Variants in ADAMTSL1 observed in about 807,000 individuals in gnomAD.
The protein encoded by ADAMTSL1 is ADAMTS like 1.
Under a neutral mutation model 201.8 loss-of-function variants are expected in ADAMTSL1, and 126 were observed. The observed-to-expected ratio is 0.62, with a 90% CI of 0.54 to 0.72. ADAMTSL1 has a LOEUF of 0.72. Among genes scored for constraint, ADAMTSL1 ranks in the 30% least tolerant of loss-of-function variants. The probability of loss-of-function intolerance (pLI) is 0.00; values close to 1 mark genes in which losing one functional copy is unlikely to be tolerated. For missense variants in ADAMTSL1, 2,679 were observed against 2,277.8 expected, an observed-to-expected ratio of 1.18 and a Z score of -3.59; for synonymous variants, 1,121 against 903.4, an observed-to-expected ratio of 1.24 and a Z score of -4.32.
At chr9:17,970,769 T>C (rs1818175272) in intron 1 of ADAMTSL1, among the ~76,000 whole-genome samples, 1 of 152,068 alleles carries the variant, frequency 6.6e-6, no homozygotes, top group Admixed American at 6.6e-5. Flanking sequence ...GTGTGCTTAC[T>C]CCTATCTTCA....
chr9:17,958,366 C>T (rs908717879), intron 1 of ADAMTSL1, among the ~76,000 whole-genome samples: 1 of 152,164 alleles, frequency 6.6e-6, no homozygotes, highest in African/African-American at 2.4e-5. Flanking sequence ...TAGAAACATT[C>T]CCTCCATCTT....
At chr9:18,655,953 A>C (rs968972673) in intron 7 of ADAMTSL1, among the ~76,000 whole-genome samples, 3 of 152,004 alleles carry the variant, frequency 2.0e-5, no homozygotes, top group Admixed American at 6.6e-5. Flanking sequence ...TTTTTTTGTG[A>C]AAGACACTGC....
At chr9:18,877,969 G>A (rs138836648) in intron 23 of ADAMTSL1, among the ~76,000 whole-genome samples, 90 of 152,270 alleles carry the variant, frequency 5.9e-4, no homozygotes, top group Middle Eastern at 3.4e-3. Context: ...AGGGGATTGG[G>A]TGTAGTTCTC....
At chr9:18,022,051 C>T (rs969709242) in intron 1 of ADAMTSL1, among the ~76,000 whole-genome samples, 1 of 152,096 alleles carries the variant, frequency 6.6e-6, no homozygotes, top group African/African-American at 2.4e-5. Context: ...CAGCCTCTAA[C>T]ATTCACAGTA....
At chr9:18,353,163 A>G (rs571367911) in intron 2 of ADAMTSL1, among the ~76,000 whole-genome samples, 2 of 152,250 alleles carry the variant, frequency 1.3e-5, no homozygotes, top group East Asian at 3.9e-4. Flanking sequence ...GCCCTGAGGA[A>G]CTCAGTTCAT....
At chr9:18,794,294 A>G (rs1410260209) in intron 19 of ADAMTSL1, among the ~76,000 whole-genome samples, 1 of 152,098 alleles carries the variant, frequency 6.6e-6, no homozygotes, top group Non-Finnish European at 1.5e-5. Flanking sequence ...CTGTGGTCTC[A>G]GCTACACAGG....
chr9:18,377,799 C>G (rs996029526), intron 2 of ADAMTSL1, among the ~76,000 whole-genome samples: 1 of 152,126 alleles, frequency 6.6e-6, no homozygotes, highest in African/African-American at 2.4e-5. Context: ...AACTCCTGAC[C>G]TCAGGTGATC....
intron 20 of ADAMTSL1, among the ~76,000 whole-genome samples, chr9:18,816,720 C>CTTTTTTTT (rs751791974): frequency 1.1e-3 from 45 of 39,744 alleles, no homozygotes; most frequent in East Asian, 2.7e-3. Context: ...AACCCTTGGT[C>CTTTTTTTT]TTTTTTTTTT....
At chr9:18,740,326 C>T (rs922186629) in intron 15 of ADAMTSL1, among the ~76,000 whole-genome samples, 9 of 152,006 alleles carry the variant, frequency 5.9e-5, no homozygotes, top group Non-Finnish European at 1.3e-4. Flanking sequence ...GGTTTGGCTG[C>T]CCAAAGCACC....
chr9:18,667,110 G>T (rs2133064220), intron 9 of ADAMTSL1, among the ~76,000 whole-genome samples: 1 of 151,962 alleles, frequency 6.6e-6, no homozygotes. Context: ...AGCTGAAACT[G>T]CATCCAGATT....
At chr9:18,771,128 C>G (rs1820667257) in intron 17 of ADAMTSL1, among the ~76,000 whole-genome samples, 1 of 152,154 alleles carries the variant, frequency 6.6e-6, no homozygotes. Flanking sequence ...TCCTGACCTC[C>G]CTGTACCTCT....
At chr9:18,588,639 T>C (rs1823678545) in intron 4 of ADAMTSL1, among the ~76,000 whole-genome samples, 1 of 151,904 alleles carries the variant, frequency 6.6e-6, no homozygotes, top group Non-Finnish European at 1.5e-5. Flanking sequence ...TTATATTTAC[T>C]AAAAAATGGG....
intron 2 of ADAMTSL1, among the ~76,000 whole-genome samples, chr9:18,383,117 T>C (rs536953065): frequency 2.0e-5 from 3 of 152,300 alleles, no homozygotes; most frequent in South Asian, 2.1e-4. Context: ...TGAAATGCAC[T>C]AAGATTAACT....
intron 1 of ADAMTSL1, among the ~76,000 whole-genome samples, chr9:17,947,422 A>C: frequency 6.6e-6 from 1 of 151,902 alleles, no homozygotes; most frequent in South Asian, 2.1e-4. Flanking sequence ...GCACAATTTC[A>C]AATTGTTTCA....
chr9:18,768,779 C>T (rs1171858386), intron 16 of ADAMTSL1, among the ~76,000 whole-genome samples: 6 of 152,158 alleles, frequency 3.9e-5, no homozygotes, highest in Non-Finnish European at 8.8e-5. Context: ...GGCATGTTTG[C>T]TCCGGTGGGG....
chr9:18,684,839 T>A (rs41268981), intron 13 of ADAMTSL1, 39 bp downstream of exon 13: 2 of 1,090,054 alleles, frequency 1.8e-6, no homozygotes, highest in African/African-American at 1.5e-5. Context: ...TATTTGAAAC[T>A]GTTTTGTTTA....
intron 1 of ADAMTSL1, among the ~76,000 whole-genome samples, chr9:18,486,913 C>T (rs934283582): frequency 1.3e-5 from 2 of 152,170 alleles, no homozygotes; most frequent in African/African-American, 2.4e-5. Flanking sequence ...GTCACAATTA[C>T]GAATCTTTAC....
intron 1 of ADAMTSL1, among the ~76,000 whole-genome samples, chr9:18,014,906 G>A (rs1196753715): frequency 1.3e-5 from 2 of 151,988 alleles, no homozygotes; most frequent in Admixed American, 1.3e-4. Flanking sequence ...ATTGACATTT[G>A]TAATGAATAA....
chr9:18,681,905 A>T lies in ADAMTSL1; in HGVS notation c.1435A>T (p.Lys479Ter), dbSNP rs1441033290. The T allele has an allele frequency of 6.2e-7, 1 of 1,613,994 alleles. No homozygotes were observed. The change falls in exon 12 of 29, where the codon AAG becomes TAG. Residue 479 changes from lysine to a stop codon, truncating the protein, a stop_gained. Coordinates refer to ENST00000380548, the MANE Select transcript of ADAMTSL1 (RefSeq NM_001040272.6). LOFTEE classifies it high-confidence loss of function. The part of the protein sequence containing the change: ...MHTGGCSPKT[K>*]PHIKEECIVP... ...CACAGGAGGCTGTAGCCCAAAAACA[A>T]AGCCCCACATAAAAGAGGAATGCAT...
Sources: gnomAD v4.1 joint callset for allele counts (sites outside exome capture counted in the v4.1 genomes callset) on GRCh38, gnomAD v4.1.1 for gene constraint, MANE v1.5 for transcripts, NCBI Gene and HGNC (gene_info 2026-07-23, HGNC 2026-07-21) for gene names.